Variants in DCAF17 observed in about 807,000 individuals in gnomAD.
DCAF17 encodes the protein DDB1 and CUL4 associated factor 17.
A neutral mutation model predicts 66.0 loss-of-function variants in DCAF17; 48 were observed. The ratio of observed to expected loss-of-function variants is 0.73; its 90% CI spans 0.58 to 0.92. DCAF17 has a LOEUF of 0.92. Ranked by LOEUF, DCAF17 falls within the 40% of genes least tolerant of loss-of-function variation. The pLI is 0.00. For missense variants in DCAF17, 562 were observed against 622.8 expected, an observed-to-expected ratio of 0.90 and a Z score of 1.04; for synonymous variants, 206 against 214.6, an observed-to-expected ratio of 0.96 and a Z score of 0.35.
intron 5 of DCAF17, among the ~76,000 whole-genome samples, chr2:171,450,596 A>C (rs1333984429): frequency 6.6e-6 from 1 of 152,186 alleles, no homozygotes; most frequent in East Asian, 1.9e-4. Flanking sequence ...CACTTAAAAA[A>C]TAGATATAGA....
At chr2:171,443,458 C>T in intron 2 of DCAF17, 65 bp from the exon 3 acceptor site, 1 of 1,422,470 alleles carries the variant, frequency 7.0e-7, no homozygotes, top group Non-Finnish European at 9.8e-7. Context: ...AATAGTCTCT[C>T]AAACCTGAAC....
rs1017205872 is a variant in DCAF17 at position 171,479,784 on chromosome 2, T to C, written c.1267-254T>C. 53 of 410,850 alleles carry C rather than the reference T, an allele frequency of 1.3e-4. No individual in the cohort carries two copies. The East Asian group carries it at 1.9e-3, about 15-fold the overall frequency. The allele number at this position is 410,850 out of a possible 1,614,324, so 25.5% of individuals were successfully genotyped here. On this transcript the variant is annotated intron_variant, in intron 12 of 13. Transcript: ENST00000375255. ...CTGTCACTGTGGAGAATTTCAATTATACTTTGAGATCTACATAGACTTGGT... is the reference window on the plus strand; with the variant it reads ...CTGTCACTGTGGAGAATTTCAATTACACTTTGAGATCTACATAGACTTGGT...
Position 171,483,702 on chromosome 2 carries a change from T to C in DCAF17, c.*2588T>C, listed in dbSNP as rs1312274169. ...ACTTTCTATCTACTAGTCACTGTGA[T>C]ACAGTATAAGTAAAGTGGGTTGTCT... On this transcript the variant is annotated 3_prime_UTR_variant, in exon 14 of 14. Transcript: ENST00000375255. The C allele has an allele frequency of 2.2e-6, 1 of 454,016 alleles. No individual in the cohort carries two copies. Among genetic ancestry groups the C allele is most frequent in the Non-Finnish European group, 4.4e-6 (1 of 226,800 alleles). The allele number at this position is 454,016 out of a possible 1,614,324, so 28.1% of individuals were successfully genotyped here.
chr2:171,456,478 A>C (rs1695268150), intron 6 of DCAF17, among the ~76,000 whole-genome samples: 1 of 152,150 alleles, frequency 6.6e-6, no homozygotes, highest in Non-Finnish European at 1.5e-5. Context: ...GCCTTGGCTA[A>C]TTCAGCCTCT....
In DCAF17 at chr2:171,455,415, A is replaced by G. The variant is rs1038556180; in HGVS notation, c.627+2202A>G. On this transcript the variant is annotated intron_variant, in intron 6 of 13. Transcript: ENST00000375255. ...GTTACCCAGTCTATCACTGATGGAC[A>G]TTTAGGTTGGTTCCATGTCTTTGCT... Among the ~76,000 whole-genome samples, 4 of 152,322 alleles carry G rather than the reference A, an allele frequency of 2.6e-5. No homozygotes were observed. In the South Asian group the frequency reaches 8.3e-4, roughly 32 times the overall value.
chr2:171,468,481 T>C (rs1696051761), intron 8 of DCAF17, among the ~76,000 whole-genome samples: 2 of 152,194 alleles, frequency 1.3e-5, no homozygotes, highest in Admixed American at 1.3e-4. Context: ...TTAGACCTAA[T>C]TACCTTGTAG....
In DCAF17 at chr2:171,453,130, A is replaced by G. The variant is rs760207728; in HGVS notation, c.544A>G (p.Ile182Val). The G allele has an allele frequency of 6.2e-7, 1 of 1,608,132 alleles. No individual in the cohort carries two copies. Among genetic ancestry groups the G allele is most frequent in the East Asian group, 2.2e-5 (1 of 44,768 alleles). Residue 182 changes from isoleucine to valine, a missense_variant, in exon 6 of 14, where the codon ATT becomes GTT. By Grantham distance (29) the Ile-to-Val change is conservative (BLOSUM62 3). Coordinates refer to ENST00000375255, the MANE Select transcript of DCAF17 (RefSeq NM_025000.4). ...TTGTAGTCTTTCCTTCTAGGCAGGC[A>G]TTCAACAACATGTTTTGCTGTACCT... is the stretch of plus-strand genomic sequence containing the variant. Reference protein sequence around the residue: ...RGSAVARQAGIQQHVLLYLAV... With the variant: ...RGSAVARQAGVQQHVLLYLAV...
intron 2 of DCAF17, among the ~76,000 whole-genome samples, chr2:171,438,919 G>T (rs1275021131): frequency 6.6e-6 from 1 of 151,746 alleles, no homozygotes; most frequent in African/African-American, 2.4e-5. Flanking sequence ...TAGAGATAGG[G>T]GTCTCAGTCG....
intron 8 of DCAF17, among the ~76,000 whole-genome samples, chr2:171,459,088 T>C (rs1022055699): frequency 6.6e-6 from 1 of 151,990 alleles, no homozygotes; most frequent in African/African-American, 2.4e-5. Context: ...GGCGGGCGGA[T>C]CACTTGAGGT....
intron 8 of DCAF17, among the ~76,000 whole-genome samples, chr2:171,459,036 A>C (rs1695425444): frequency 6.6e-6 from 1 of 152,190 alleles, no homozygotes; most frequent in South Asian, 2.1e-4. Context: ...CTGGCCAGGC[A>C]TGGTGGCTCA....
At chr2:171,468,640 G>A (rs1170960279) in intron 8 of DCAF17, among the ~76,000 whole-genome samples, 1 of 151,970 alleles carries the variant, frequency 6.6e-6, no homozygotes, top group African/African-American at 2.4e-5. Flanking sequence ...ACTCACCTGC[G>A]GGCCACATAT....
At chr2:171,480,300 A>T (rs964956761) in intron 13 of DCAF17, 107 bp downstream of exon 13, 9 of 1,390,196 alleles carry the variant, frequency 6.5e-6, no homozygotes, top group Non-Finnish European at 7.9e-6. Context: ...ACCTATGCCA[A>T]TGACCATGTG....
chr2:171,452,518 A>G (rs1460421311), intron 5 of DCAF17, among the ~76,000 whole-genome samples: 1 of 152,192 alleles, frequency 6.6e-6, no homozygotes, highest in Non-Finnish European at 1.5e-5. Flanking sequence ...CAATGGCTTG[A>G]TCAGAGTTCA....
chr2:171,473,429 ACTCTAT>A (rs1470408521), intron 9 of DCAF17, among the ~76,000 whole-genome samples: 2 of 151,944 alleles, frequency 1.3e-5, no homozygotes, highest in Admixed American at 6.6e-5. Context: ...ACATAGCGAG[ACTCTAT>A]CTCTATTTAA....
Position 171,443,719 on chromosome 2 carries a change from ACT to A in DCAF17, c.321+109_321+110del, listed in dbSNP as rs113112720. 1.4e-4 allele frequency: 123 copies of A among 861,802 alleles called. No homozygotes were observed. The African/African-American group carries it at 1.8e-3, about 13-fold the overall frequency. The allele number at this position is 861,802 out of a possible 1,614,324, so 53.4% of individuals were successfully genotyped here. A position where few individuals can be genotyped will look rare whatever the true frequency, so the allele number is the denominator to read the frequency against. ...ATAATACAACTTAAATATCATAGTGACTCTTGCATCTTTAAAGCAATCAAGAT... is the reference window on the plus strand; with the variant it reads ...ATAATACAACTTAAATATCATAGTGACTTGCATCTTTAAAGCAATCAAGAT... On this transcript the variant is annotated intron_variant, in intron 3 of 13. Coordinates refer to ENST00000375255, the MANE Select transcript of DCAF17 (RefSeq NM_025000.4).
chr2:171,444,886 T>A (rs1171726686), intron 3 of DCAF17, among the ~76,000 whole-genome samples: 2 of 152,200 alleles, frequency 1.3e-5, no homozygotes, highest in African/African-American at 4.8e-5. Context: ...TCTTTTTCTC[T>A]GAATACTTAT....
At chr2:171,435,332 A>T (rs1693805686) in intron 2 of DCAF17, 146 bp downstream of exon 2, 2 of 684,676 alleles carry the variant, frequency 2.9e-6, no homozygotes, top group Non-Finnish European at 5.1e-6. Context: ...TAAAAAATGC[A>T]TGTAATTTTA....
In DCAF17 at chr2:171,434,545, GC is replaced by G; in HGVS notation, c.-30del. The stretch of plus-strand genomic sequence containing the variant: ...GGAGTGTGGGGCGCGCCACTCGGCG[GC>G]CCAGCCTACCCAGGGCCCGGCCCGC... On this transcript the variant is annotated 5_prime_UTR_variant, in exon 1 of 14. Transcript: ENST00000375255. The G allele has an allele frequency of 6.6e-7, 1 of 1,524,248 alleles. No homozygotes were observed. The highest frequency in any genetic ancestry group is 8.8e-7 in the Non-Finnish European group (1 of 1,140,848). 94.4% of individuals were successfully genotyped at this position (1,524,248 alleles called of 1,614,324 possible).
At position 171,482,645 on chromosome 2, in the gene DCAF17, T is replaced by C. The variant is rs537066061; in HGVS notation, c.*1531T>C. The stretch of plus-strand genomic sequence containing the variant: ...CAAGAGTGTTTCAGAATAGGATGTC[T>C]TAAGACTTCAGTCATGTCAGAGATT... On this transcript the variant is annotated 3_prime_UTR_variant, in exon 14 of 14. Coordinates refer to ENST00000375255, the MANE Select transcript of DCAF17 (RefSeq NM_025000.4). 66 of 454,138 alleles carry C rather than the reference T, an allele frequency of 1.5e-4. 1 individual carries two copies. The Middle Eastern group carries it at 2.1e-3, about 14-fold the overall frequency. 28.1% of individuals were successfully genotyped at this position (454,138 alleles called of 1,614,324 possible). A position where few individuals can be genotyped will look rare whatever the true frequency, so the allele number is the denominator to read the frequency against.
Sources: gnomAD v4.1 joint callset for allele counts (sites outside exome capture counted in the v4.1 genomes callset) on GRCh38, gnomAD v4.1.1 for gene constraint, MANE v1.5 for transcripts, NCBI Gene and HGNC (gene_info 2026-07-23, HGNC 2026-07-21) for gene names.